Variants in HMGN5 observed in about 807,000 individuals in gnomAD.
HMGN5 encodes the protein high mobility group nucleosome-binding domain-containing protein 5.
In HMGN5, 4 loss-of-function variants were observed where a neutral mutation model predicts 9.5. The observed-to-expected ratio is 0.42, with a 90% CI of 0.21 to 0.96. The LOEUF (loss-of-function observed/expected upper bound fraction) is 0.96, where lower values mean the gene tolerates loss of function less well. Among genes scored for constraint, HMGN5 ranks in the 40% least tolerant of loss-of-function variants. The probability of loss-of-function intolerance (pLI) is 0.30; values close to 1 mark genes in which losing one functional copy is unlikely to be tolerated. For missense variants in HMGN5, 192 were observed against 187.5 expected, an observed-to-expected ratio of 1.02 and a Z score of -0.14; for synonymous variants, 55 against 57.1, an observed-to-expected ratio of 0.96 and a Z score of 0.16.
chrX:81,142,364 G>T (rs1210752036), intron 1 of HMGN5, among the ~76,000 whole-genome samples: 1 of 111,548 alleles, frequency 9.0e-6, no homozygotes, highest in African/African-American at 3.3e-5. Context: ...GCAGAAGAAG[G>T]TTATACAACA....
intron 1 of HMGN5, among the ~76,000 whole-genome samples, chrX:81,199,064 A>G (rs921440595): frequency 2.7e-5 from 3 of 111,933 alleles, no homozygotes; most frequent in Non-Finnish European, 5.6e-5. Flanking sequence ...AAAGATCACA[A>G]GCATTCCTAT....
chrX:81,160,800 TTTGTTATTGTAAATAG>T (rs1261993716), intron 1 of HMGN5, among the ~76,000 whole-genome samples: 1 of 111,237 alleles, frequency 9.0e-6, no homozygotes, highest in Admixed American at 9.6e-5. Context: ...GTTCCATGTG[TTTGTTATTGTAAATAG>T]TGCTTGTGTG....
chrX:81,162,704 G>A (rs768676834), intron 1 of HMGN5, among the ~76,000 whole-genome samples: 108 of 111,299 alleles, frequency 9.7e-4, no homozygotes, highest in African/African-American at 3.4e-3. Context: ...AGGTGCTTAT[G>A]GAACTGTACT....
intron 1 of HMGN5, among the ~76,000 whole-genome samples, chrX:81,184,054 A>G (rs939523899): frequency 3.6e-5 from 4 of 111,327 alleles, no homozygotes; most frequent in African/African-American, 1.3e-4. Context: ...GCAGTTTGAG[A>G]AAGAAATGAG....
chrX:81,157,065 C>A (rs1250137766), intron 1 of HMGN5, among the ~76,000 whole-genome samples: 1 of 111,824 alleles, frequency 8.9e-6, no homozygotes, highest in Non-Finnish European at 1.9e-5. Flanking sequence ...ATTGCCTTTA[C>A]ATGTATGCAA....
chrX:81,155,635 C>T (rs968872031), intron 1 of HMGN5, among the ~76,000 whole-genome samples: 1 of 111,004 alleles, frequency 9.0e-6, no homozygotes, highest in Non-Finnish European at 1.9e-5. Flanking sequence ...GGAATTAAGT[C>T]GAGTGAAAAA....
rs1016637318 is a variant in HMGN5, at chrX:81,147,152, G to T, written c.-123-25480C>A. Among the ~76,000 whole-genome samples the T allele has an allele frequency of 4.5e-5, 5 of 111,848 alleles. No individual in the cohort carries two copies. The East Asian group carries it at 1.4e-3, about 31-fold the overall frequency. On this transcript the variant is annotated intron_variant, in intron 1 of 6. Coordinates refer to ENST00000358130, the MANE Select transcript of HMGN5 (RefSeq NM_030763.3). ...AATCCTCCCTAACTCATCTTATGAG[G>T]TCAGCATCATCCTGATACCAAAACC...
intron 1 of HMGN5, among the ~76,000 whole-genome samples, chrX:81,127,965 GAAGA>G (rs2075288879): frequency 9.0e-6 from 1 of 111,123 alleles, no homozygotes; most frequent in South Asian, 3.8e-4. Context: ...GTACAGGAAG[GAAGA>G]AAGAAAGGGA....
intron 1 of HMGN5, among the ~76,000 whole-genome samples, chrX:81,179,504 AG>A (rs2075453989): frequency 9.0e-6 from 1 of 111,599 alleles, no homozygotes; most frequent in African/African-American, 3.3e-5. Flanking sequence ...AGGGATGTGA[AG>A]GACCTCTTCA....
chrX:81,114,616 T>C lies in HMGN5; in HGVS notation c.*33A>G, dbSNP rs1435433461. 4.7e-6 allele frequency: 5 copies of C among 1,065,962 alleles called. No homozygotes were observed. The highest frequency in any genetic ancestry group is 3.8e-5 in the African/African-American group (2 of 52,846). 87.8% of individuals were successfully genotyped at this position (1,065,962 alleles called of 1,213,427 possible). ...ATTAACTTTACAACATGAAGGTACA[T>C]GTTACCAAATTATGAAACTACATAG... is the stretch of plus-strand genomic sequence containing the variant. On this transcript the variant is annotated 3_prime_UTR_variant, in exon 7 of 7. Coordinates refer to ENST00000358130, the MANE Select transcript of HMGN5 (RefSeq NM_030763.3).
chrX:81,192,665 T>G (rs1349547018), intron 1 of HMGN5, among the ~76,000 whole-genome samples: 2 of 112,232 alleles, frequency 1.8e-5, no homozygotes, highest in Non-Finnish European at 3.8e-5. Flanking sequence ...AAAACTTTGG[T>G]GAATAATTCT....
At chrX:81,141,279 A>G (rs1376973098) in intron 1 of HMGN5, among the ~76,000 whole-genome samples, 3 of 111,825 alleles carry the variant, frequency 2.7e-5, no homozygotes. Flanking sequence ...TGGCCTTGCC[A>G]TCTGCTGACT....
chrX:81,147,378 A>G (rs760274413), intron 1 of HMGN5, among the ~76,000 whole-genome samples: 1 of 112,167 alleles, frequency 8.9e-6, no homozygotes, highest in Admixed American at 9.5e-5. Context: ...TCACATAAAC[A>G]GAACCAAAGA....
At chrX:81,191,756 C>T (rs1032051364) in intron 1 of HMGN5, among the ~76,000 whole-genome samples, 1 of 112,074 alleles carries the variant, frequency 8.9e-6, no homozygotes. Flanking sequence ...TTCAGACTTA[C>T]TAAGTGTTCT....
chrX:81,188,577 T>A (rs1053172872), intron 1 of HMGN5, among the ~76,000 whole-genome samples: 22 of 110,061 alleles, frequency 2.0e-4, no homozygotes, highest in Admixed American at 2.0e-3. Flanking sequence ...GCTGCTCCCA[T>A]TAACTCGTCA....
chrX:81,177,528 T>G (rs2075446757), intron 1 of HMGN5, among the ~76,000 whole-genome samples: 1 of 109,858 alleles, frequency 9.1e-6, no homozygotes, highest in African/African-American at 3.3e-5. Flanking sequence ...CCTAAATATA[T>G]ATGTACCCAA....
At chrX:81,120,978 G>C (rs765164683) in intron 2 of HMGN5, among the ~76,000 whole-genome samples, 1 of 110,483 alleles carries the variant, frequency 9.1e-6, no homozygotes, top group African/African-American at 3.3e-5. Context: ...CTGTTCTCTA[G>C]GACAGTTTGA....
At chrX:81,201,266 G>A (rs1378553833) in intron 1 of HMGN5, among the ~76,000 whole-genome samples, 1 of 109,471 alleles carries the variant, frequency 9.1e-6, no homozygotes, top group East Asian at 2.9e-4. Flanking sequence ...ACTACACTTT[G>A]AAGTATATGG....
chrX:81,145,720 A>G (rs2075341698), intron 1 of HMGN5, among the ~76,000 whole-genome samples: 1 of 111,762 alleles, frequency 8.9e-6, no homozygotes, highest in African/African-American at 3.3e-5. Flanking sequence ...TTGGTTAAAG[A>G]GTCAAGACCC....
Sources: gnomAD v4.1 joint callset for allele counts (sites outside exome capture counted in the v4.1 genomes callset) on GRCh38, gnomAD v4.1.1 for gene constraint, MANE v1.5 for transcripts, NCBI Gene and HGNC (gene_info 2026-07-23, HGNC 2026-07-21) for gene names.